Variants in NVL observed in about 807,000 individuals in gnomAD.
NVL encodes nuclear valosin-containing protein-like.
In NVL, 84 loss-of-function variants were observed where a neutral mutation model predicts 110.2. That is an observed-to-expected ratio of 0.76 (90% CI 0.64 to 0.91). NVL has a LOEUF of 0.91. NVL is among the 40% of genes least tolerant of loss of function. The pLI, the probability that NVL is intolerant of heterozygous loss-of-function variation, is 0.00. For missense variants in NVL, 882 were observed against 1,035.9 expected (o/e 0.85, Z 2.04); for synonymous variants, 354 against 361.1 (o/e 0.98, Z 0.22).
At chr1:224,263,530 G>A (rs1176492220) in intron 18 of NVL, among the ~76,000 whole-genome samples, 1 of 152,110 alleles carries the variant, frequency 6.6e-6, no homozygotes, top group Admixed American at 6.6e-5. Flanking sequence ...TATCTCAGAA[G>A]TGGCAAAACA....
At chr1:224,303,934 C>T (rs1668663070) in intron 8 of NVL, 77 bp from the exon 9 acceptor site, 1 of 1,476,742 alleles carries the variant, frequency 6.8e-7, no homozygotes, top group Non-Finnish European at 9.1e-7. Context: ...TTTTTCGGAG[C>T]AGTGAAATGG....
chr1:224,283,873 A>C (rs188485198), intron 15 of NVL, among the ~76,000 whole-genome samples: 1 of 152,364 alleles, frequency 6.6e-6, no homozygotes, highest in Admixed American at 6.5e-5. Context: ...AGAGTACTGA[A>C]AGCATTAAGC....
intron 11 of NVL, among the ~76,000 whole-genome samples, chr1:224,295,765 G>T (rs1209697350): frequency 6.6e-6 from 1 of 151,188 alleles, no homozygotes; most frequent in Non-Finnish European, 1.5e-5. Flanking sequence ...ATCACCTGAG[G>T]TCAGGAGTTC....
chr1:224,239,491 T>C (rs1385067019), intron 19 of NVL, among the ~76,000 whole-genome samples: 2 of 152,136 alleles, frequency 1.3e-5, no homozygotes, highest in African/African-American at 4.8e-5. Flanking sequence ...TGTTAGGTGC[T>C]TTCTATGATT....
At chr1:224,277,995 C>T (rs1665939112) in intron 16 of NVL, among the ~76,000 whole-genome samples, 2 of 152,128 alleles carry the variant, frequency 1.3e-5, no homozygotes, top group African/African-American at 2.4e-5. Context: ...GTCAGAGGCC[C>T]TTAATGTAAC....
intron 8 of NVL, 69 bp downstream of exon 8, chr1:224,304,667 G>A (rs2102703086): frequency 7.6e-7 from 1 of 1,319,138 alleles, no homozygotes; most frequent in Non-Finnish European, 1.1e-6. Flanking sequence ...GAAACAAAGA[G>A]GTAGGCTTTT....
chr1:224,267,810 C>T (rs188243174), intron 18 of NVL, among the ~76,000 whole-genome samples: 1 of 151,970 alleles, frequency 6.6e-6, no homozygotes, highest in Non-Finnish European at 1.5e-5. Context: ...TTTACTATAG[C>T]TTATGCAAAA....
rs544030271 is a variant in NVL at position 224,254,124 on chromosome 1, C to T, written c.2183-3806G>A. Among the ~76,000 whole-genome samples the T allele has an allele frequency of 6.6e-5, 10 of 152,216 alleles. No homozygotes were observed. The South Asian group carries it at 2.1e-3, about 32-fold the overall frequency. On this transcript the variant is annotated intron_variant, in intron 18 of 22. Coordinates refer to ENST00000281701, the MANE Select transcript of NVL (RefSeq NM_002533.4). ...TTTTTTGTTTTGAGATGGAGTCTCA[C>T]TCTGTCGCCCAGGCTGGAGTGCAGT...
intron 21 of NVL, 80 bp downstream of exon 21, chr1:224,233,121 C>T (rs868119103): frequency 5.8e-6 from 7 of 1,197,878 alleles, no homozygotes; most frequent in Middle Eastern, 4.1e-4. Flanking sequence ...ATAATAGACA[C>T]TAGAAAATGG....
At chr1:224,286,230 TGA>T (rs981057236) in intron 14 of NVL, 100 bp from the exon 15 acceptor site, 42 of 833,898 alleles carry the variant, frequency 5.0e-5, no homozygotes, top group Non-Finnish European at 6.0e-5. Context: ...TTTTTTTTTT[TGA>T]GTCTCCCTCT....
At chr1:224,316,662 CAAAA>C (rs71170004) in intron 4 of NVL, among the ~76,000 whole-genome samples, 1 of 121,968 alleles carries the variant, frequency 8.2e-6, no homozygotes, top group African/African-American at 3.1e-5. Flanking sequence ...AACCCTGTCT[CAAAA>C]AAAAAAAAAA....
In NVL at chr1:224,286,124, C is replaced by T. The variant is rs764354516; in HGVS notation, c.1801G>A (p.Val601Ile). The T allele has an allele frequency of 2.1e-5, 34 of 1,612,956 alleles. No individual in the cohort carries two copies. The Admixed American group carries it at 2.3e-4, about 11-fold the overall frequency. Residue 601 changes from valine (V) to isoleucine (I), a missense_variant, in exon 15 of 23, where the codon GTA becomes ATA. Coordinates refer to ENST00000281701, the MANE Select transcript of NVL (RefSeq NM_002533.4). Reference sequence around the variant, plus strand: ...GCTTTGAACTGGTCTGGGTTGCGTACTGGTGCCTGGAAATAATGATACAAA... The same window carrying T: ...GCTTTGAACTGGTCTGGGTTGCGTATTGGTGCCTGGAAATAATGATACAAA... ...EELTMAILAP[V>I]RNPDQFKALG...
intron 18 of NVL, among the ~76,000 whole-genome samples, chr1:224,260,249 A>C (rs1486481059): frequency 6.6e-6 from 1 of 152,160 alleles, no homozygotes; most frequent in Non-Finnish European, 1.5e-5. Flanking sequence ...TCTGTGAGTC[A>C]TCCACTCTTT....
chr1:224,322,459 C>T (rs1038352639), intron 2 of NVL, among the ~76,000 whole-genome samples: 1 of 152,030 alleles, frequency 6.6e-6, no homozygotes, highest in African/African-American at 2.4e-5. Context: ...GTGAGGTATA[C>T]TATTGTTTTA....
chr1:224,302,909 C>T lies in NVL; in HGVS notation c.960+814G>A, dbSNP rs183704929. The T allele has an allele frequency of 3.8e-4, 122 of 318,864 alleles. 1 individual carries two copies. The highest frequency in any genetic ancestry group is 1.8e-3 in the South Asian group (75 of 42,130). 19.8% of individuals were successfully genotyped at this position (318,864 alleles called of 1,614,324 possible). A position where few individuals can be genotyped will look rare whatever the true frequency, so the allele number is the denominator to read the frequency against. ...CAAAAAAACAAAAACATAAGCTGGGCGTGGTGGTATGTGTCTGTGTTTCCA... is the reference window on the plus strand; with the variant it reads ...CAAAAAAACAAAAACATAAGCTGGGTGTGGTGGTATGTGTCTGTGTTTCCA... On this transcript the variant is annotated intron_variant, in intron 9 of 22. Transcript: ENST00000281701.
At chr1:224,241,307 A>T (rs1330742987) in intron 19 of NVL, among the ~76,000 whole-genome samples, 2 of 152,324 alleles carry the variant, frequency 1.3e-5, no homozygotes, top group South Asian at 2.1e-4. Context: ...AAAGAGAAAA[A>T]TTTTAAATGG....
At chr1:224,310,872 G>A (rs1669450862) in intron 5 of NVL, among the ~76,000 whole-genome samples, 1 of 151,432 alleles carries the variant, frequency 6.6e-6, no homozygotes, top group African/African-American at 2.4e-5. Context: ...CTAGGACTAT[G>A]GGTGTATGCC....
chr1:224,275,297 T>C (rs952143495), intron 17 of NVL, 42 bp downstream of exon 17: 1 of 1,611,484 alleles, frequency 6.2e-7, no homozygotes, highest in Non-Finnish European at 8.5e-7. Context: ...AAAGGTTTAT[T>C]GTGCTAAAAG....
chr1:224,327,903 T>C (rs575083416), intron 1 of NVL, among the ~76,000 whole-genome samples: 5 of 151,892 alleles, frequency 3.3e-5, no homozygotes, highest in African/African-American at 1.2e-4. Flanking sequence ...ACAAAGGTCC[T>C]GTGCTTGGCA....
Sources: gnomAD v4.1 joint callset for allele counts (sites outside exome capture counted in the v4.1 genomes callset) on GRCh38, gnomAD v4.1.1 for gene constraint, MANE v1.5 for transcripts, NCBI Gene and HGNC (gene_info 2026-07-23, HGNC 2026-07-21) for gene names.